Variants in PRRC2B observed in about 807,000 individuals in gnomAD.
PRRC2B encodes proline rich coiled-coil 2B, also known as protein PRRC2B.
In PRRC2B, 68 loss-of-function variants were observed where a neutral mutation model predicts 242.3. That is an observed-to-expected ratio of 0.28 (90% CI 0.23 to 0.34). The LOEUF is 0.34. Ranked by LOEUF, PRRC2B falls within the 10% of genes least tolerant of loss-of-function variation. PRRC2B has a pLI of 1.00. For missense variants in PRRC2B, 2,835 were observed against 2,954.8 expected (o/e 0.96, Z 0.94); for synonymous variants, 1,228 against 1,173.6 (o/e 1.05, Z -0.95).
intron 5 of PRRC2B, among the ~76,000 whole-genome samples, chr9:131,441,799 T>C (rs762448237): frequency 3.3e-5 from 5 of 152,172 alleles, no homozygotes; most frequent in Non-Finnish European, 5.9e-5. Flanking sequence ...GGAGACCTGA[T>C]TGCATGTTTG....
chr9:131,395,522 A>G (rs1837026281), intron 1 of PRRC2B, among the ~76,000 whole-genome samples: 1 of 152,244 alleles, frequency 6.6e-6, no homozygotes, highest in South Asian at 2.1e-4. Context: ...TCATCTGCAT[A>G]AATCGGGGCG....
In PRRC2B at chr9:131,479,396, G is replaced by A; in HGVS notation, c.4900+3G>A. The A allele has an allele frequency of 6.2e-7, 1 of 1,612,878 alleles. No individual in the cohort carries two copies. ...GATCTGGGAGAGCAGCAGCCAGGGT[G>A]AGAGTTGGGGGTGTGACCCCAGCTG... is the stretch of plus-strand genomic sequence containing the variant. On this transcript the variant is annotated splice_donor_region_variant and intron_variant, in intron 19 of 31. Coordinates refer to ENST00000683519, the MANE Select transcript of PRRC2B (RefSeq NM_013318.4).
At chr9:131,416,755 C>T (rs59543176) in intron 1 of PRRC2B, among the ~76,000 whole-genome samples, 4,284 of 151,824 alleles carry the variant, frequency 0.028, 186 homozygotes, top group African/African-American at 0.097. Flanking sequence ...GTAGAATGTT[C>T]CTCGATTTGG....
intron 2 of PRRC2B, among the ~76,000 whole-genome samples, chr9:131,432,162 C>T (rs960644430): frequency 3.9e-5 from 6 of 152,156 alleles, no homozygotes; most frequent in African/African-American, 1.4e-4. Context: ...TCTTGTTGAT[C>T]CTTTTCACAC....
chr9:131,467,654 T>C lies in PRRC2B; in HGVS notation c.1812T>C (p.Ser604=). The C allele has an allele frequency of 2.5e-6, 4 of 1,613,906 alleles. No individual in the cohort carries two copies. Among genetic ancestry groups the C allele is most frequent in the South Asian group, 2.2e-5 (2 of 91,064 alleles). The change falls in exon 13 of 32, where the codon AGT becomes AGC. Residue 604 remains serine (S), a synonymous_variant. Coordinates refer to ENST00000683519, the MANE Select transcript of PRRC2B (RefSeq NM_013318.4). ...CAGCAGTGGCACAGAGCAACAGCAG[T>C]GAGGAAGAGGCCAGAGAGGCTGGGT... ...VSPAVAQSNS[S]EEEAREAGSP...
chr9:131,486,163 A>G lies in PRRC2B; in HGVS notation c.5837A>G (p.Gln1946Arg). 6.2e-7 allele frequency: 1 copy of G among 1,611,486 alleles called. No homozygotes were observed. Among genetic ancestry groups the G allele is most frequent in the Non-Finnish European group, 8.5e-7 (1 of 1,178,576 alleles). The change falls in exon 26 of 32, where the codon CAG becomes CGG. Residue 1946 changes from glutamine (Q) to arginine (R), a missense_variant. Around this residue, in one of 7 missense-constraint regions of PRRC2B, gnomAD observed 574 missense variants for 626.0 expected, o/e 0.92. Coordinates refer to ENST00000683519, the MANE Select transcript of PRRC2B (RefSeq NM_013318.4). ...CGGCTGGTTCCTCAAACGATACCTC[A>G]GCAGCAGAGTTACCAACAGGTGACA... ...QPRLVPQTIP[Q>R]QQSYQQAAAA... is the part of the protein sequence containing the mutation.
In PRRC2B at chr9:131,445,746, C is replaced by T. The variant is rs1375433982; in HGVS notation, c.614-655C>T. On this transcript the variant is annotated intron_variant, in intron 6 of 31. Transcript: ENST00000683519. The stretch of plus-strand genomic sequence containing the variant: ...CTTCAACTTCTAACCAAAAGGTGAC[C>T]GAAAACAGGGGTCTGTTGTCTCATT... 4.6e-5 allele frequency among the ~76,000 whole-genome samples: 7 copies of T among 152,228 alleles called. No homozygotes were observed. The South Asian group carries it at 1.0e-3, about 23-fold the overall frequency.
rs761106033 is a variant in PRRC2B at position 131,494,373 on chromosome 9, G to T, written c.6474-32G>T. 6.3e-5 allele frequency: 77 copies of T among 1,222,388 alleles called. No homozygotes were observed. The highest frequency in any genetic ancestry group is 8.6e-5 in the Non-Finnish European group (73 of 845,118). 75.7% of individuals were successfully genotyped at this position (1,222,388 alleles called of 1,614,324 possible). ...CTCCATTTCTGTGGTGACACGTTGT[G>T]TATTCTCAACCCCTGCCTTTGGTTT... On this transcript the variant is annotated intron_variant, in intron 30 of 31. Coordinates refer to ENST00000683519, the MANE Select transcript of PRRC2B (RefSeq NM_013318.4). This position sits in a 1 kb window ranked among gnomAD's most constrained non-coding sequence, Gnocchi z 4.3.
At chr9:131,378,954 A>T (rs570789689) in intron 1 of PRRC2B, among the ~76,000 whole-genome samples, 2 of 152,054 alleles carry the variant, frequency 1.3e-5, no homozygotes, top group Non-Finnish European at 2.9e-5. Flanking sequence ...CCTGACCTCA[A>T]GTGATCTGCC....
At chr9:131,403,720 T>C (rs1029426409) in intron 1 of PRRC2B, among the ~76,000 whole-genome samples, 2 of 151,834 alleles carry the variant, frequency 1.3e-5, no homozygotes, top group Non-Finnish European at 2.9e-5. Flanking sequence ...ATGAAAGCTT[T>C]TCCCCAATGT....
At chr9:131,491,707 A>G in intron 29 of PRRC2B, 127 bp downstream of exon 29, 1 of 917,696 alleles carries the variant, frequency 1.1e-6, no homozygotes, top group Non-Finnish European at 1.6e-6. Flanking sequence ...GCAGAAAGGA[A>G]GGTGACCATG....
chr9:131,422,973 G>A (rs1588243174), intron 1 of PRRC2B, among the ~76,000 whole-genome samples: 1 of 152,292 alleles, frequency 6.6e-6, no homozygotes, highest in East Asian at 1.9e-4. Context: ...GCTCCCCGTG[G>A]CAGTGTCTCT....
intron 1 of PRRC2B, among the ~76,000 whole-genome samples, chr9:131,403,630 C>G (rs1837281787): frequency 7.0e-6 from 1 of 142,882 alleles, no homozygotes; most frequent in African/African-American, 2.6e-5. Flanking sequence ...GCTAGAATTA[C>G]AGGCGTGAGC....
chr9:131,383,171 C>T (rs1223505767), intron 1 of PRRC2B, among the ~76,000 whole-genome samples: 1 of 152,164 alleles, frequency 6.6e-6, no homozygotes, highest in Non-Finnish European at 1.5e-5. Context: ...AAGGCCTCCT[C>T]CGGCTCCCCA....
intron 19 of PRRC2B, among the ~76,000 whole-genome samples, chr9:131,481,299 A>G (rs1175527172): frequency 8.3e-6 from 1 of 120,690 alleles, no homozygotes; most frequent in Non-Finnish European, 1.6e-5. Context: ...CGACAGAGCA[A>G]GACTCCGTCT....
Position 131,475,348 on chromosome 9 carries a change from G to C in PRRC2B, c.3219G>C (p.Glu1073Asp). The change falls in exon 16 of 32, where the codon GAG becomes GAC. Residue 1073 changes from glutamate (E) to aspartate (D), a missense_variant. Around this residue, in one of 7 missense-constraint regions of PRRC2B, gnomAD observed 1,536 missense variants for 1,483.1 expected, o/e 1.04. Transcript: ENST00000683519. ...QARGRGRGFR[E>D]FTFRGRPAGG... ...GGGGCCGGGGCCGTGGTTTCAGAGA[G>C]TTCACTTTTCGTGGTCGGCCTGCTG... 6.3e-7 allele frequency: 1 copy of C among 1,588,706 alleles called. No individual in the cohort carries two copies. The highest frequency in any genetic ancestry group is 8.6e-7 in the Non-Finnish European group (1 of 1,168,352).
Position 131,495,889 on chromosome 9 carries a change from C to T in PRRC2B, c.*15C>T. 6.3e-7 allele frequency: 1 copy of T among 1,597,444 alleles called. No individual in the cohort carries two copies. Among genetic ancestry groups the T allele is most frequent in the Non-Finnish European group, 8.6e-7 (1 of 1,167,392 alleles). On this transcript the variant is annotated 3_prime_UTR_variant, in exon 32 of 32. Transcript: ENST00000683519. ...GTAAGGCCTGACAGTGCCTGGCTGC[C>T]ACCTCGCCTCTCCCTACTGAGGACG...
chr9:131,393,098 C>T (rs951116566), upstream of PRRC2B, among the ~76,000 whole-genome samples: 2 of 152,118 alleles, frequency 1.3e-5, no homozygotes, highest in African/African-American at 4.8e-5. Flanking sequence ...GGTTAATTTT[C>T]CTTCTGGGTC....
chr9:131,469,994 T>G (rs1328257853), intron 13 of PRRC2B, among the ~76,000 whole-genome samples: 2 of 152,086 alleles, frequency 1.3e-5, no homozygotes, highest in African/African-American at 4.8e-5. Flanking sequence ...GGACCTGGTC[T>G]CGTCTGGGGG....
Sources: gnomAD v4.1 joint callset for allele counts (sites outside exome capture counted in the v4.1 genomes callset) on GRCh38, gnomAD v4.1.1 for gene constraint, gnomAD v4.1.1 regional missense constraint, Gnocchi (gnomAD v3.1) non-coding constraint, MANE v1.5 for transcripts, NCBI Gene and HGNC (gene_info 2026-07-23, HGNC 2026-07-21) for gene names.